Variants in COL5A2 observed in about 807,000 individuals in gnomAD.
COL5A2 encodes the protein collagen alpha-2(V) chain.
COL5A2 carries 23 observed loss-of-function variants against 208.2 expected under a neutral mutation model. The observed-to-expected ratio is 0.11, with a 90% confidence interval of 0.08 to 0.16. COL5A2 has a LOEUF of 0.16. Among genes scored for constraint, COL5A2 ranks in the 10% least tolerant of loss-of-function variants. COL5A2 has a pLI of 1.00. For synonymous variants in COL5A2, 625 were observed against 628.5 expected (o/e 0.99, Z 0.08); for missense variants, 1,590 against 1,956.4 (o/e 0.81, Z 3.53).
intron 45 of COL5A2, 69 bp from the exon 46 acceptor site, chr2:189,045,976 G>A: frequency 7.4e-7 from 1 of 1,348,094 alleles, no homozygotes; most frequent in East Asian, 2.4e-5. Context: ...ATATGTTCAT[G>A]TTATTCTTAT....
the COL5A2 span, among the ~76,000 whole-genome samples, chr2:189,275,253 A>G: frequency 6.6e-6 from 1 of 152,100 alleles, no homozygotes; most frequent in Admixed American, 6.6e-5. Context: ...TAGACTACCT[A>G]ATTTTAAATG....
chr2:189,205,681 C>T (rs1010023043), intron 1 of COL5A2, among the ~76,000 whole-genome samples: 1 of 152,028 alleles, frequency 6.6e-6, no homozygotes, highest in Admixed American at 6.5e-5. Flanking sequence ...TATAGGACAC[C>T]TGGCCCATAG....
At chr2:189,086,919 G>A in intron 8 of COL5A2, 149 bp from the exon 9 acceptor site, 1 of 694,048 alleles carries the variant, frequency 1.4e-6, no homozygotes, top group Non-Finnish European at 2.5e-6. Flanking sequence ...CATTTGGAAG[G>A]CAGCTAAATT....
intron 49 of COL5A2, 85 bp downstream of exon 49, chr2:189,042,635 C>T (rs1046082041): frequency 2.3e-6 from 3 of 1,327,864 alleles, no homozygotes; most frequent in East Asian, 2.4e-5. Flanking sequence ...GCTTCAATAC[C>T]AGGAAAACGA....
chr2:189,326,558 G>T, the COL5A2 span, among the ~76,000 whole-genome samples: 1 of 151,820 alleles, frequency 6.6e-6, no homozygotes, highest in African/African-American at 2.4e-5. Context: ...GTGCATGGTG[G>T]TGTGCGCGCC....
chr2:189,081,992 CTT>C (rs1161409921), intron 12 of COL5A2, among the ~76,000 whole-genome samples: 3 of 152,176 alleles, frequency 2.0e-5, no homozygotes, highest in Admixed American at 2.0e-4. Context: ...GATGTGATCA[CTT>C]ATTGATTATT....
At chr2:189,389,722 T>C in the COL5A2 span, among the ~76,000 whole-genome samples, 2 of 152,192 alleles carry the variant, frequency 1.3e-5, no homozygotes, top group African/African-American at 2.4e-5. Context: ...CAGTTCCTAA[T>C]TCCCACATCT....
intron 42 of COL5A2, among the ~76,000 whole-genome samples, chr2:189,050,902 TTAATG>T (rs1685773034): frequency 6.6e-6 from 1 of 152,132 alleles, no homozygotes; most frequent in Non-Finnish European, 1.5e-5. Flanking sequence ...AAACTGAAGA[TTAATG>T]TGAATACTGA....
the COL5A2 span, among the ~76,000 whole-genome samples, chr2:189,231,465 G>C: frequency 1.3e-5 from 2 of 151,524 alleles, no homozygotes; most frequent in African/African-American, 4.8e-5. Context: ...ATTCACACCC[G>C]GTGCCTTTGA....
chr2:189,233,505 T>C, the COL5A2 span, among the ~76,000 whole-genome samples: 3 of 151,654 alleles, frequency 2.0e-5, no homozygotes, highest in Admixed American at 2.0e-4. Context: ...AATTAGATAC[T>C]ATAGGATCGT....
At chr2:189,133,337 T>G (rs1378843844) in intron 1 of COL5A2, among the ~76,000 whole-genome samples, 1 of 151,714 alleles carries the variant, frequency 6.6e-6, no homozygotes, top group Non-Finnish European at 1.5e-5. Context: ...GCCAGGATGA[T>G]CTCGATCTCT....
chr2:189,147,914 G>C (rs1199273798), intron 1 of COL5A2, among the ~76,000 whole-genome samples: 1 of 152,100 alleles, frequency 6.6e-6, no homozygotes, highest in Non-Finnish European at 1.5e-5. Context: ...TACCAAATGA[G>C]TTGGTGGAGA....
At chr2:189,166,639 T>C (rs988646105) in intron 1 of COL5A2, among the ~76,000 whole-genome samples, 4 of 152,226 alleles carry the variant, frequency 2.6e-5, no homozygotes, top group African/African-American at 9.6e-5. Flanking sequence ...TGTGGAACCC[T>C]CCGTGGGCAA....
At chr2:189,059,585 G>GTTTTTTGTTTTTTTTTTTTTTTT (rs1685979025) in intron 31 of COL5A2, among the ~76,000 whole-genome samples, 1 of 28,594 alleles carries the variant, frequency 3.5e-5, no homozygotes, top group Non-Finnish European at 7.4e-5. Flanking sequence ...TTCTTTTCTG[G>GTTTTTTGTTTTTTTTTTTTTTTT]TTTTTTTTTT....
chr2:189,430,992 A>G, the COL5A2 span, among the ~76,000 whole-genome samples: 1,157 of 152,276 alleles, frequency 7.6e-3, 17 homozygotes, highest in African/African-American at 0.026. Context: ...TCAGGCAGCA[A>G]TATTTGCTAT....
chr2:189,239,655 A>C, the COL5A2 span, among the ~76,000 whole-genome samples: 24 of 150,070 alleles, frequency 1.6e-4, 1 homozygote, highest in African/African-American at 5.9e-4. Flanking sequence ...GCATTGGGAG[A>C]TATACCTAAT....
chr2:189,173,731 C>T (rs979311830), intron 1 of COL5A2, among the ~76,000 whole-genome samples: 5 of 152,052 alleles, frequency 3.3e-5, no homozygotes, highest in African/African-American at 7.2e-5. Context: ...TTGATACTGT[C>T]TCGTGCTACA....
At chr2:189,421,309 C>A in the COL5A2 span, among the ~76,000 whole-genome samples, 2,759 of 152,194 alleles carry the variant, frequency 0.018, 64 homozygotes, top group South Asian at 0.065. Context: ...ACTCTCCACA[C>A]AATCATCACC....
chr2:189,307,097 T>C, the COL5A2 span, among the ~76,000 whole-genome samples: 2 of 152,208 alleles, frequency 1.3e-5, no homozygotes, highest in African/African-American at 4.8e-5. Flanking sequence ...TAAAACATGC[T>C]AATATGAATT....
Sources: allele counts gnomAD v4.1 joint callset (sites outside exome capture counted in the v4.1 genomes callset), GRCh38; gene constraint gnomAD v4.1.1; transcripts MANE v1.5; gene names NCBI Gene and HGNC (gene_info 2026-07-23, HGNC 2026-07-21).